STIM2: variants seen among roughly 807,000 people sequenced by gnomAD.
STIM2 encodes the protein stromal interaction molecule 2.
Under a neutral mutation model 85.8 loss-of-function variants are expected in STIM2, and 31 were observed. The ratio of observed to expected loss-of-function variants is 0.36; its 90% CI spans 0.27 to 0.49. The LOEUF (loss-of-function observed/expected upper bound fraction) is 0.49. Ranked by LOEUF, STIM2 falls within the 20% of genes least tolerant of loss-of-function variation. The pLI is 0.98. For missense variants in STIM2, 841 were observed against 927.6 expected (o/e 0.91, Z 1.21); for synonymous variants, 356 against 331.1 (o/e 1.08, Z -0.82).
At chr4:26,928,539 A>G (rs1015259676) in intron 2 of STIM2, among the ~76,000 whole-genome samples, 1 of 151,776 alleles carries the variant, frequency 6.6e-6, no homozygotes, top group South Asian at 2.1e-4. Context: ...TTAATTTTTA[A>G]TTTTTTTTAC....
intron 2 of STIM2, among the ~76,000 whole-genome samples, chr4:26,931,671 C>T (rs1327929491): frequency 6.6e-6 from 1 of 152,066 alleles, no homozygotes; most frequent in Non-Finnish European, 1.5e-5. Context: ...TGACATTCTT[C>T]TGAAAGAACA....
chr4:26,959,817 A>G (rs891648939), intron 3 of STIM2, among the ~76,000 whole-genome samples: 5 of 151,836 alleles, frequency 3.3e-5, no homozygotes, highest in African/African-American at 1.2e-4. Context: ...TATGATAATG[A>G]GGGATTTCCT....
At chr4:26,866,212 A>C (rs992526698) in intron 1 of STIM2, among the ~76,000 whole-genome samples, 3 of 152,074 alleles carry the variant, frequency 2.0e-5, no homozygotes, top group Admixed American at 2.0e-4. Context: ...TCAGTTTTCT[A>C]TTGTTGCTGT....
intron 1 of STIM2, among the ~76,000 whole-genome samples, chr4:26,890,260 G>A (rs1282906442): frequency 6.6e-6 from 1 of 152,164 alleles, no homozygotes; most frequent in Non-Finnish European, 1.5e-5. Flanking sequence ...TGTGGGCTGG[G>A]AGAGAGAAGG....
intron 2 of STIM2, among the ~76,000 whole-genome samples, chr4:26,922,497 T>C (rs1560208376): frequency 6.6e-6 from 1 of 152,154 alleles, no homozygotes; most frequent in African/African-American, 2.4e-5. Flanking sequence ...GAAAACACTT[T>C]ACTGGTTTAT....
chr4:26,976,408 C>A (rs1323147809), intron 3 of STIM2, among the ~76,000 whole-genome samples: 7 of 130,688 alleles, frequency 5.4e-5, no homozygotes, highest in African/African-American at 2.0e-4. Flanking sequence ...TTTTTAGTGG[C>A]AAGAGATGGA....
intron 2 of STIM2, among the ~76,000 whole-genome samples, chr4:26,945,767 A>G (rs1725812363): frequency 1.3e-5 from 2 of 151,704 alleles, no homozygotes; most frequent in Middle Eastern, 3.2e-3. Context: ...GTGTCTGTTC[A>G]TGTCCTTTGC....
At chr4:26,953,124 C>T (rs1451825065) in intron 2 of STIM2, among the ~76,000 whole-genome samples, 1 of 152,086 alleles carries the variant, frequency 6.6e-6, no homozygotes, top group East Asian at 1.9e-4. Flanking sequence ...CTTACATTGT[C>T]AGTAAAGAAA....
At chr4:26,920,317 A>G (rs1206544292) in intron 2 of STIM2, among the ~76,000 whole-genome samples, 2 of 152,198 alleles carry the variant, frequency 1.3e-5, no homozygotes, top group East Asian at 1.9e-4. Flanking sequence ...CTACAAAGAT[A>G]TAGATAACCA....
At chr4:26,928,412 G>GGATATATATAT (rs1725068807) in intron 2 of STIM2, among the ~76,000 whole-genome samples, 1 of 152,208 alleles carries the variant, frequency 6.6e-6, no homozygotes, top group South Asian at 2.1e-4. Flanking sequence ...TATATACACA[G>GGATATATATAT]AGAAAGTATC....
chr4:26,955,509 A>G (rs1482220129), intron 2 of STIM2, among the ~76,000 whole-genome samples: 1 of 147,876 alleles, frequency 6.8e-6, no homozygotes, highest in Non-Finnish European at 1.5e-5. Context: ...CAAGATAGAG[A>G]CAACTTCTGA....
At chr4:26,911,116 A>C (rs1016418056) in intron 1 of STIM2, among the ~76,000 whole-genome samples, 9 of 152,012 alleles carry the variant, frequency 5.9e-5, no homozygotes, top group African/African-American at 2.2e-4. Context: ...GGGCGCCTGT[A>C]GTCCCAGCTA....
chr4:26,950,716 T>C (rs746441678), intron 2 of STIM2, among the ~76,000 whole-genome samples: 1 of 152,184 alleles, frequency 6.6e-6, no homozygotes, highest in Admixed American at 6.5e-5. Context: ...TATTCTGTTA[T>C]AGCAGCACAA....
At chr4:26,906,357 G>A (rs147268077) in intron 1 of STIM2, among the ~76,000 whole-genome samples, 52 of 151,480 alleles carry the variant, frequency 3.4e-4, no homozygotes, top group African/African-American at 1.2e-3. Flanking sequence ...ATGCTAATCT[G>A]TACACCAAAC....
intron 2 of STIM2, among the ~76,000 whole-genome samples, chr4:26,952,550 G>A (rs1467510394): frequency 1.3e-5 from 2 of 151,982 alleles, no homozygotes; most frequent in African/African-American, 4.8e-5. Context: ...CCCTTTGAAG[G>A]TGACCATTTT....
At chr4:26,951,628 C>T (rs1726056111) in intron 2 of STIM2, among the ~76,000 whole-genome samples, 1 of 152,068 alleles carries the variant, frequency 6.6e-6, no homozygotes, top group Non-Finnish European at 1.5e-5. Context: ...CCTGTAACCT[C>T]ATCTTTGCTG....
At chr4:27,022,498 C>G in intron 11 of STIM2, 21 bp from the exon 12 acceptor site, 1 of 1,548,494 alleles carries the variant, frequency 6.5e-7, no homozygotes, top group South Asian at 1.2e-5. Flanking sequence ...AAATTTGTAC[C>G]TTTGTTTGTG....
At chr4:26,918,176 C>T (rs1464489586) in intron 1 of STIM2, among the ~76,000 whole-genome samples, 3 of 150,604 alleles carry the variant, frequency 2.0e-5, no homozygotes, top group African/African-American at 7.3e-5. Context: ...TGTTAAAACA[C>T]CAAAATATTT....
In STIM2 at chr4:27,007,889, G is replaced by A. The variant is rs1156655054; in HGVS notation, c.1149+189G>A. On this transcript the variant is annotated intron_variant, in intron 8 of 11. Transcript: ENST00000467087. ...TTAAATTAAAATTACTGCATTTGGAGAAGTGTATACTTTTCAAAGTGACCT... is the reference window on the plus strand; with the variant it reads ...TTAAATTAAAATTACTGCATTTGGAAAAGTGTATACTTTTCAAAGTGACCT... 9.8e-6 allele frequency: 7 copies of A among 715,438 alleles called. No homozygotes were observed. In the East Asian group the frequency reaches 1.6e-4, roughly 17 times the overall value. The allele number at this position is 715,438 out of a possible 1,614,324, so 44.3% of individuals were successfully genotyped here. A position where few individuals can be genotyped will look rare whatever the true frequency, so the allele number is the denominator to read the frequency against.
Sources: allele counts gnomAD v4.1 joint callset (sites outside exome capture counted in the v4.1 genomes callset), GRCh38; gene constraint gnomAD v4.1.1; transcripts MANE v1.5; gene names NCBI Gene and HGNC (gene_info 2026-07-23, HGNC 2026-07-21).